The following CLPSL1 variants were observed in gnomAD, a reference collection of about 807,000 sequenced individuals.
The protein encoded by CLPSL1 is colipase-like protein 1.
In CLPSL1, 13 loss-of-function variants were observed where a neutral mutation model predicts 9.3. The observed-to-expected ratio is 1.40, with a 90% CI of 0.91 to 2.22. The LOEUF is 2.22. Ranked by LOEUF, CLPSL1 falls within the 30% of genes most tolerant of loss-of-function variation. CLPSL1 has a pLI of 0.00. For missense variants in CLPSL1, 164 were observed against 146.6 expected (o/e 1.12, Z -0.61); for synonymous variants, 58 against 56.9 (o/e 1.02, Z -0.08).
At chr6:35,787,168 G>A (rs1409275648) in intron 2 of CLPSL1, 48 bp downstream of exon 2, 1 of 1,599,794 alleles carries the variant, frequency 6.3e-7, no homozygotes, top group South Asian at 1.1e-5. Flanking sequence ...AGGGGAAGTG[G>A]GAGCCAGGGC....
intron 2 of CLPSL1, 49 bp from the exon 3 acceptor site, chr6:35,787,818 C>T: frequency 6.3e-7 from 1 of 1,574,976 alleles, no homozygotes. Context: ...CTTAGGGGCT[C>T]AGGGAAGAGC....
chr6:35,787,633 G>A (rs2151061896), intron 2 of CLPSL1, among the ~76,000 whole-genome samples: 1 of 152,396 alleles, frequency 6.6e-6, no homozygotes, highest in East Asian at 1.9e-4. Context: ...ACAGGCAGAT[G>A]GGTCAGTGAC....
downstream of CLPSL1, chr6:35,788,170 G>T (rs1581955152): frequency 3.0e-6 from 2 of 662,270 alleles, no homozygotes; most frequent in Non-Finnish European, 2.7e-6. Flanking sequence ...CACAGAGTTG[G>T]GGCCTGGGTG....
downstream of CLPSL1, among the ~76,000 whole-genome samples, chr6:35,790,533 A>C (rs1768165917): frequency 6.6e-6 from 1 of 152,252 alleles, no homozygotes; most frequent in Non-Finnish European, 1.5e-5. Flanking sequence ...GAAGAGTGTG[A>C]CTCTAGAAGG....
downstream of CLPSL1, chr6:35,788,215 G>C (rs1768127372): frequency 5.1e-6 from 3 of 584,788 alleles, no homozygotes; most frequent in Admixed American, 2.4e-5. Flanking sequence ...CAGGTTTCTG[G>C]GGGGTGGGGA....
chr6:35,781,174 A>G lies in CLPSL1; in HGVS notation c.64A>G (p.Arg22Gly). The change falls in exon 1 of 3, where the codon AGG (arginine) becomes GGG (glycine). Residue 22 changes from arginine to glycine, a missense_variant. Transcript: ENST00000373861. ...CTTCTTCTTTCTCTTCCTCCTCACC[A>G]GGGGCTCACTTTCTCCAACAAAATA... ...LLFFFLFLLT[R>G]GSLSPTKYNL... 1 of 1,613,918 alleles carries G rather than the reference A, an allele frequency of 6.2e-7. No individual in the cohort carries two copies. Among genetic ancestry groups the G allele is most frequent in the Non-Finnish European group, 8.5e-7 (1 of 1,179,884 alleles).
chr6:35,782,994 C>T (rs1767995395), intron 1 of CLPSL1, among the ~76,000 whole-genome samples: 1 of 152,142 alleles, frequency 6.6e-6, no homozygotes, highest in African/African-American at 2.4e-5. Context: ...TCACACCTTA[C>T]TAGGTGCTCA....
chr6:35,783,649 A>G (rs1768011257), intron 1 of CLPSL1, among the ~76,000 whole-genome samples: 1 of 151,796 alleles, frequency 6.6e-6, no homozygotes, highest in South Asian at 2.1e-4. Flanking sequence ...TACTAAAAAT[A>G]CAAAAAAAAT....
rs757862600 is a variant in CLPSL1 at position 35,787,117 on chromosome 6, G to A, written c.219G>A (p.Thr73=). 2 of 1,611,800 alleles carry A rather than the reference G, an allele frequency of 1.2e-6. No individual in the cohort carries two copies. The highest frequency in any genetic ancestry group is 1.7e-6 in the Non-Finnish European group (2 of 1,179,538). The change falls in exon 2 of 3, where the codon ACG becomes ACA. Residue 73 remains threonine, a synonymous_variant. Transcript: ENST00000373861. ...EKGSEGSLCQ[T]QVFFGQYRAC... ...GGTCCGAGGGCAGTCTGTGTCAAACGCAGGTGGGTATCGCCGCCCGGGGGG... is the reference window on the plus strand; with the variant it reads ...GGTCCGAGGGCAGTCTGTGTCAAACACAGGTGGGTATCGCCGCCCGGGGGG...
chr6:35,787,973 T>C lies in CLPSL1; in HGVS notation c.329T>C (p.Ile110Thr), dbSNP rs752971861. The C allele has an allele frequency of 4.3e-6, 7 of 1,613,750 alleles. No homozygotes were observed. The African/African-American group carries it at 6.7e-5, about 15-fold the overall frequency. Residue 110 changes from isoleucine to threonine, a missense_variant, in exon 3 of 3, where the codon ATT becomes ACT. Ile to Thr is a moderately conservative substitution (Grantham distance 89, BLOSUM62 -1). Coordinates refer to ENST00000373861, the MANE Select transcript of CLPSL1 (RefSeq NM_001010886.5). ...LSIAYGRCQK[I>T]GRQKLAKKMF... is the part of the protein sequence containing the mutation. ...ATCGCCTATGGCCGTTGTCAGAAAA[T>C]TGGAAGGCAGAAGTTGGCTAAGAAA...
chr6:35,787,833 G>A (rs373408423), intron 2 of CLPSL1, 34 bp from the exon 3 acceptor site: 18 of 1,598,142 alleles, frequency 1.1e-5, no homozygotes, highest in Middle Eastern at 1.7e-4. Flanking sequence ...AAGAGCTGCC[G>A]CCAAGGTCGA....
chr6:35,789,901 A>G (rs1007436389), downstream of CLPSL1, among the ~76,000 whole-genome samples: 2 of 152,122 alleles, frequency 1.3e-5, no homozygotes, highest in African/African-American at 4.8e-5. Context: ...CTCAAAAAAA[A>G]AAATTAATTT....
At chr6:35,787,152 G>T in intron 2 of CLPSL1, 32 bp downstream of exon 2, 1 of 1,607,394 alleles carries the variant, frequency 6.2e-7, no homozygotes, top group South Asian at 1.1e-5. Context: ...GAGCCAGAGG[G>T]GATCCAGGGG....
At chr6:35,781,951 CG>C (rs1767975620) in intron 1 of CLPSL1, among the ~76,000 whole-genome samples, 1 of 151,948 alleles carries the variant, frequency 6.6e-6, no homozygotes, top group African/African-American at 2.4e-5. Context: ...AGGGTTTCAC[CG>C]TATTGGTCAG....
At chr6:35,790,231 C>T (rs1581956427), downstream of CLPSL1, among the ~76,000 whole-genome samples, 4 of 152,372 alleles carry the variant, frequency 2.6e-5, no homozygotes, top group East Asian at 3.9e-4. Flanking sequence ...CTGTGCCCGG[C>T]TGAAATTTCA....
downstream of CLPSL1, among the ~76,000 whole-genome samples, chr6:35,788,500 G>A (rs1768133171): frequency 2.0e-5 from 3 of 152,280 alleles, no homozygotes; most frequent in Admixed American, 2.0e-4. Context: ...CTTACTAGAT[G>A]TTAGGGGCCG....
intron 1 of CLPSL1, among the ~76,000 whole-genome samples, chr6:35,793,189 C>T (rs1304954565): frequency 1.3e-5 from 2 of 152,142 alleles, no homozygotes; most frequent in African/African-American, 2.4e-5. Flanking sequence ...TTTGGGAGGC[C>T]GAGGCAGGTG....
intron 1 of CLPSL1, 46 bp downstream of exon 1, chr6:35,781,255 A>T (rs1767962060): frequency 6.2e-7 from 1 of 1,600,468 alleles, no homozygotes; most frequent in East Asian, 2.2e-5. Context: ...CACTGTCCTA[A>T]GGCCTGTACT....
Position 35,786,984 on chromosome 6 carries a change from G to A in CLPSL1, c.100-14G>A, listed in dbSNP as rs762487177. ...GGGCGGTGGAGCCTGGCGGTGCCGT[G>A]TCCCTCCCTGCAGGAGCTCAAGGAG... On this transcript the variant is annotated splice_polypyrimidine_tract_variant and intron_variant, in intron 1 of 2. Coordinates refer to ENST00000373861, the MANE Select transcript of CLPSL1 (RefSeq NM_001010886.5). 1.9e-6 allele frequency: 3 copies of A among 1,567,560 alleles called. No individual in the cohort carries two copies. Among genetic ancestry groups the A allele is most frequent in the African/African-American group, 1.3e-5 (1 of 74,466 alleles).
Sources: allele counts gnomAD v4.1 joint callset (sites outside exome capture counted in the v4.1 genomes callset), GRCh38; gene constraint gnomAD v4.1.1; transcripts MANE v1.5; gene names NCBI Gene and HGNC (gene_info 2026-07-23, HGNC 2026-07-21).